The following SEC14L5 variants were observed in gnomAD, a reference collection of about 807,000 sequenced individuals.
The protein encoded by SEC14L5 is SEC14-like protein 5.
A neutral mutation model predicts 84.6 loss-of-function variants in SEC14L5; 96 were observed. That is an observed-to-expected ratio of 1.13 (90% CI 0.96 to 1.34). The LOEUF (loss-of-function observed/expected upper bound fraction) is 1.34, where lower values mean the gene tolerates loss of function less well. SEC14L5 is among the 40% of genes most tolerant of loss of function. The pLI, the probability that SEC14L5 is intolerant of heterozygous loss-of-function variation, is 0.00. For synonymous variants in SEC14L5, 546 were observed against 383.4 expected (o/e 1.42, Z -4.95); for missense variants, 1,224 against 942.5 (o/e 1.30, Z -3.91).
At position 4,978,885 on chromosome 16, in the gene SEC14L5, G is replaced by A. The variant is rs538768303; in HGVS notation, c.64-8672G>A. ...CAAAGTGCTGGGATTACAGGCGTGA[G>A]CCACTGCACCTGGTTAATTTTCTTA... On this transcript the variant is annotated intron_variant, in intron 2 of 15. Transcript: ENST00000251170. Among the ~76,000 whole-genome samples, 3 of 152,310 alleles carry A rather than the reference G, an allele frequency of 2.0e-5. No individual in the cohort carries two copies. In the East Asian group the frequency reaches 5.8e-4, roughly 29 times the overall value.
intron 2 of SEC14L5, among the ~76,000 whole-genome samples, chr16:4,971,746 C>T (rs1335974082): frequency 6.6e-6 from 1 of 152,192 alleles, no homozygotes; most frequent in Non-Finnish European, 1.5e-5. Flanking sequence ...CTTAATCTCC[C>T]AGGGATATAT....
At chr16:4,967,979 C>A (rs1955226971) in intron 2 of SEC14L5, among the ~76,000 whole-genome samples, 1 of 137,528 alleles carries the variant, frequency 7.3e-6, no homozygotes, top group South Asian at 2.6e-4. Flanking sequence ...CCCTTCCCCT[C>A]CCCTCTCCTT....
At chr16:4,995,321 C>T (rs1435402841) in intron 6 of SEC14L5, among the ~76,000 whole-genome samples, 1 of 152,214 alleles carries the variant, frequency 6.6e-6, no homozygotes, top group Non-Finnish European at 1.5e-5. Flanking sequence ...AAGCTTGGGG[C>T]CTGGCCTCTG....
intron 12 of SEC14L5, among the ~76,000 whole-genome samples, chr16:5,006,576 A>G (rs974861906): frequency 6.6e-6 from 1 of 152,166 alleles, no homozygotes; most frequent in Non-Finnish European, 1.5e-5. Context: ...ATCCTAGGTC[A>G]CAACTCTGTC....
intron 3 of SEC14L5, 48 bp from the exon 4 acceptor site, chr16:4,988,101 G>A: frequency 1.2e-6 from 2 of 1,606,172 alleles, no homozygotes; most frequent in Non-Finnish European, 1.7e-6. Flanking sequence ...ATTCCTGTGT[G>A]CTCCACGCCG....
Position 4,959,286 on chromosome 16 carries a change from C to T in SEC14L5, c.-38C>T, listed in dbSNP as rs770062361. The T allele has an allele frequency of 1.9e-5, 29 of 1,564,336 alleles. No homozygotes were observed. The highest frequency in any genetic ancestry group is 2.5e-5 in the Non-Finnish European group (28 of 1,134,770). ...TCCTCGCCCCAGGCTCTGTGCACAC[C>T]CCTGCCTGGTGACCTCCATTGGTGC... On this transcript the variant is annotated 5_prime_UTR_variant, in exon 2 of 16. Transcript: ENST00000251170.
At chr16:4,969,311 A>G (rs1568106450) in intron 2 of SEC14L5, among the ~76,000 whole-genome samples, 1 of 152,088 alleles carries the variant, frequency 6.6e-6, no homozygotes. Context: ...TGTGTGCCGA[A>G]GGCTGTGCGA....
intron 11 of SEC14L5, among the ~76,000 whole-genome samples, chr16:5,003,796 A>G (rs1955702869): frequency 6.6e-6 from 1 of 152,236 alleles, no homozygotes. Context: ...CAATCCCAGA[A>G]CATTTCTGTC....
Position 5,017,157 on chromosome 16 carries a change from C to G in SEC14L5, c.*2187C>G, listed in dbSNP as rs2142544120. On this transcript the variant is annotated 3_prime_UTR_variant, in exon 16 of 16. Coordinates refer to ENST00000251170, the MANE Select transcript of SEC14L5 (RefSeq NM_014692.2). ...CACAGAAGCCTTTTACGGAAGGAAG[C>G]TGGAACTGCCTGTTCCAGAGGCGGG... 7.1e-6 allele frequency: 1 copy of G among 140,192 alleles called. No homozygotes were observed. Among genetic ancestry groups the G allele is most frequent in the African/African-American group, 2.7e-5 (1 of 37,230 alleles). The allele number at this position is 140,192 out of a possible 1,614,324, so 8.7% of individuals were successfully genotyped here. A position where few individuals can be genotyped will look rare whatever the true frequency, so the allele number is the denominator to read the frequency against.
At position 4,987,690 on chromosome 16, in the gene SEC14L5, C is replaced by CA; in HGVS notation, c.197_198insA (p.Arg67AlafsTer10). 1.3e-6 allele frequency: 2 copies of CA among 1,530,052 alleles called. No individual in the cohort carries two copies. Among genetic ancestry groups the CA allele is most frequent in the Non-Finnish European group, 1.8e-6 (2 of 1,142,444 alleles). 94.8% of individuals were successfully genotyped at this position (1,530,052 alleles called of 1,614,324 possible). On this transcript the variant is annotated frameshift_variant, in exon 3 of 16. Transcript: ENST00000251170. LOFTEE classifies it high-confidence loss of function. ...AGCTGCCGGCTGCGCGTGGACGCCCCGCGGCTGCTGCGGAAGGTGGGCGGC... is the reference window on the plus strand; with the variant it reads ...AGCTGCCGGCTGCGCGTGGACGCCCCAGCGGCTGCTGCGGAAGGTGGGCGGC...
At chr16:5,013,724 A>G (rs1955835021) in intron 15 of SEC14L5, among the ~76,000 whole-genome samples, 1 of 151,678 alleles carries the variant, frequency 6.6e-6, no homozygotes, top group African/African-American at 2.4e-5. Flanking sequence ...ACCCCTGGCT[A>G]ATTTTTATAT....
intron 8 of SEC14L5, among the ~76,000 whole-genome samples, chr16:5,000,375 C>A (rs1008428402): frequency 1.3e-5 from 2 of 152,230 alleles, no homozygotes; most frequent in African/African-American, 4.8e-5. Flanking sequence ...TGTGTTCAAG[C>A]AATCCTCCTG....
At chr16:4,978,716 C>T (rs1252051568) in intron 2 of SEC14L5, among the ~76,000 whole-genome samples, 1 of 152,056 alleles carries the variant, frequency 6.6e-6, no homozygotes, top group Non-Finnish European at 1.5e-5. Context: ...CATTTTCCTG[C>T]CTCAGCCTCC....
At chr16:4,962,697 A>C (rs1000795582) in intron 2 of SEC14L5, among the ~76,000 whole-genome samples, 6 of 151,340 alleles carry the variant, frequency 4.0e-5, no homozygotes, top group East Asian at 1.9e-4. Flanking sequence ...AAAAAAAAAA[A>C]AAAAAAAAAA....
intron 8 of SEC14L5, among the ~76,000 whole-genome samples, chr16:4,998,292 C>A (rs1955635381): frequency 6.6e-6 from 1 of 150,376 alleles, no homozygotes; most frequent in African/African-American, 2.4e-5. Context: ...CAGGAGTGAG[C>A]CACTGCACCC....
chr16:4,987,501 G>A (rs1215131366), intron 2 of SEC14L5, 56 bp from the exon 3 acceptor site: 4 of 1,423,818 alleles, frequency 2.8e-6, no homozygotes, highest in South Asian at 1.3e-5. Flanking sequence ...TCGCGCTGGG[G>A]GGGGGGGTCC....
chr16:4,981,108 GTTCT>G (rs558507674), intron 2 of SEC14L5, among the ~76,000 whole-genome samples: 2 of 151,848 alleles, frequency 1.3e-5, no homozygotes, highest in African/African-American at 2.4e-5. Flanking sequence ...ATCAAGGCCC[GTTCT>G]TTCTTTCTTT....
intron 13 of SEC14L5, among the ~76,000 whole-genome samples, chr16:5,008,216 G>A (rs761576933): frequency 2.6e-4 from 39 of 152,124 alleles, no homozygotes; most frequent in Non-Finnish European, 3.8e-4. Context: ...AAGCCTGGCC[G>A]AGATAAGGAT....
At chr16:5,009,606 G>GAGCCACCA (rs552293055) in intron 14 of SEC14L5, among the ~76,000 whole-genome samples, 1 of 152,140 alleles carries the variant, frequency 6.6e-6, no homozygotes, top group Non-Finnish European at 1.5e-5. Context: ...TTAGAGGCGT[G>GAGCCACCA]AGCCACCATG....
Sources: gnomAD v4.1 joint callset for allele counts (sites outside exome capture counted in the v4.1 genomes callset) on GRCh38, gnomAD v4.1.1 for gene constraint, MANE v1.5 for transcripts, NCBI Gene and HGNC (gene_info 2026-07-23, HGNC 2026-07-21) for gene names.